Variants in SCRG1 observed in about 807,000 individuals in gnomAD.
SCRG1 encodes the protein scrapie-responsive protein 1.
SCRG1 carries 3 observed loss-of-function variants against 7.7 expected under a neutral mutation model. That is an observed-to-expected ratio of 0.39 (90% CI 0.18 to 1.01). The LOEUF (loss-of-function observed/expected upper bound fraction) is 1.01, where lower values mean the gene tolerates loss of function less well. Ranked by LOEUF, SCRG1 falls within the 50% of genes least tolerant of loss-of-function variation. The pLI is 0.36. For synonymous variants in SCRG1, 46 were observed against 41.2 expected (o/e 1.12, Z -0.44); for missense variants, 110 against 117.2 (o/e 0.94, Z 0.28).
chr4:173,491,834 G>A, the SCRG1 span, among the ~76,000 whole-genome samples: 3 of 152,146 alleles, frequency 2.0e-5, no homozygotes, highest in Non-Finnish European at 2.9e-5. Context: ...ATATAAGAGC[G>A]TAAACTAGAA....
chr4:173,511,883 G>A, the SCRG1 span, among the ~76,000 whole-genome samples: 2 of 152,144 alleles, frequency 1.3e-5, no homozygotes, highest in African/African-American at 2.4e-5. This position sits in a 1 kb window ranked among gnomAD's most constrained non-coding sequence, Gnocchi z 5.2. Flanking sequence ...CCTCCCAGAC[G>A]AGCATTCTTT....
the SCRG1 span, among the ~76,000 whole-genome samples, chr4:173,415,927 C>T: frequency 1.6e-4 from 24 of 152,106 alleles, no homozygotes; most frequent in Admixed American, 1.6e-3. Context: ...TAAAATCATG[C>T]GAAAGAAAAC....
the SCRG1 span, among the ~76,000 whole-genome samples, chr4:173,491,624 G>T: frequency 3.3e-5 from 5 of 152,158 alleles, no homozygotes; most frequent in Non-Finnish European, 5.9e-5. Flanking sequence ...GGGTTCTAAG[G>T]TGGGGTTTAG....
chr4:173,489,422 T>G, the SCRG1 span, among the ~76,000 whole-genome samples: 1 of 152,208 alleles, frequency 6.6e-6, no homozygotes, highest in Non-Finnish European at 1.5e-5. Flanking sequence ...AGGAGAGCAA[T>G]CATGTTCACA....
At chr4:173,457,224 C>T in the SCRG1 span, among the ~76,000 whole-genome samples, 1 of 152,204 alleles carries the variant, frequency 6.6e-6, no homozygotes, top group Admixed American at 6.5e-5. Context: ...CGGTCATGCC[C>T]TGCACAACCA....
At chr4:173,484,455 AT>A in the SCRG1 span, among the ~76,000 whole-genome samples, 231 of 45,860 alleles carry the variant, frequency 5.0e-3, 13 homozygotes, top group Middle Eastern at 0.019. Flanking sequence ...TATAATATAT[AT>A]TATATACATA....
At chr4:173,483,139 A>G in the SCRG1 span, among the ~76,000 whole-genome samples, 1 of 73,646 alleles carries the variant, frequency 1.4e-5, no homozygotes, top group South Asian at 5.0e-4. Flanking sequence ...TATTTTATAT[A>G]TGAAATATAC....
chr4:173,509,774 A>G, the SCRG1 span, among the ~76,000 whole-genome samples: 1 of 151,928 alleles, frequency 6.6e-6, no homozygotes, highest in African/African-American at 2.4e-5. This position sits in a 1 kb window ranked among gnomAD's most constrained non-coding sequence, Gnocchi z 5.7. Context: ...ATTCCTCAGG[A>G]GGAAGTGGAA....
At chr4:173,512,558 G>A in the SCRG1 span, among the ~76,000 whole-genome samples, 1 of 152,216 alleles carries the variant, frequency 6.6e-6, no homozygotes, top group South Asian at 2.1e-4. Context: ...CCATTTACAA[G>A]GATAAGGGAA....
At chr4:173,483,912 A>ATATATGTTATATATATTTCATATAC in the SCRG1 span, among the ~76,000 whole-genome samples, 1 of 96,800 alleles carries the variant, frequency 1.0e-5, no homozygotes, top group Admixed American at 1.6e-4. Flanking sequence ...ATTTCATATA[A>ATATATGTTATATATATTTCATATAC]TATATGTTAT....
chr4:173,427,727 T>C, the SCRG1 span, among the ~76,000 whole-genome samples: 1 of 152,190 alleles, frequency 6.6e-6, no homozygotes, highest in Non-Finnish European at 1.5e-5. Context: ...TGGCCTTTTC[T>C]TGGCATATCT....
upstream of SCRG1, among the ~76,000 whole-genome samples, chr4:173,401,946 C>A (rs989002268): frequency 6.6e-6 from 1 of 152,234 alleles, no homozygotes; most frequent in African/African-American, 2.4e-5. Flanking sequence ...CCTGCAATCA[C>A]AGAGTCTGCC....
chr4:173,437,785 T>C, the SCRG1 span, among the ~76,000 whole-genome samples: 1 of 152,236 alleles, frequency 6.6e-6, no homozygotes, highest in African/African-American at 2.4e-5. Flanking sequence ...CCCGCCTGGC[T>C]ACCTTAATCT....
the SCRG1 span, among the ~76,000 whole-genome samples, chr4:173,501,315 C>T: frequency 6.6e-6 from 1 of 152,196 alleles, no homozygotes; most frequent in African/African-American, 2.4e-5. This position sits in a 1 kb window ranked among gnomAD's most constrained non-coding sequence, Gnocchi z 5.1. Flanking sequence ...CCAGGGCCCC[C>T]TCTAGTCACG....
chr4:173,487,119 A>AT, the SCRG1 span, among the ~76,000 whole-genome samples: 1 of 152,138 alleles, frequency 6.6e-6, no homozygotes, highest in Non-Finnish European at 1.5e-5. Flanking sequence ...CTGCCTGTCA[A>AT]TTTTTTATTT....
At chr4:173,423,669 A>AATTTT in the SCRG1 span, among the ~76,000 whole-genome samples, 1 of 150,748 alleles carries the variant, frequency 6.6e-6, no homozygotes, top group Non-Finnish European at 1.5e-5. Context: ...TTTTTTTTTA[A>AATTTT]TTTTTTTTTT....
chr4:173,485,424 G>A, the SCRG1 span, among the ~76,000 whole-genome samples: 1 of 150,742 alleles, frequency 6.6e-6, no homozygotes. Context: ...GAGGCTATCT[G>A]GGCCATTCAG....
the SCRG1 span, among the ~76,000 whole-genome samples, chr4:173,483,943 A>ATT: frequency 4.6e-5 from 1 of 21,786 alleles, no homozygotes; most frequent in Non-Finnish European, 1.2e-4. Context: ...TATAATATAA[A>ATT]TCATATATAA....
chr4:173,467,000 G>GT, the SCRG1 span, among the ~76,000 whole-genome samples: 1 of 152,156 alleles, frequency 6.6e-6, no homozygotes, highest in Non-Finnish European at 1.5e-5. Flanking sequence ...TTAGTTATGA[G>GT]TTTTTTCTCC....
Sources: allele counts gnomAD v4.1 joint callset (sites outside exome capture counted in the v4.1 genomes callset), GRCh38; gene constraint gnomAD v4.1.1; non-coding constraint Gnocchi (gnomAD v3.1); transcripts MANE v1.5; gene names NCBI Gene and HGNC (gene_info 2026-07-23, HGNC 2026-07-21).